The following UGGT2 variants were observed in gnomAD, a reference collection of about 807,000 sequenced individuals.
UGGT2 encodes UDP-glucose:glycoprotein glucosyltransferase 2.
Under a neutral mutation model 192.1 loss-of-function variants are expected in UGGT2, and 180 were observed. The observed-to-expected ratio is 0.94, with a 90% confidence interval of 0.83 to 1.06. The LOEUF is 1.06. UGGT2 is among the 50% of genes least tolerant of loss of function. The pLI, the probability that UGGT2 is intolerant of heterozygous loss-of-function variation, is 0.00. For synonymous variants in UGGT2, 580 were observed against 591.0 expected, an observed-to-expected ratio of 0.98 and a Z score of 0.27; for missense variants, 1,849 against 1,795.7, an observed-to-expected ratio of 1.03 and a Z score of -0.54.
intron 37 of UGGT2, among the ~76,000 whole-genome samples, chr13:95,833,412 CA>C (rs1886942323): frequency 6.6e-6 from 1 of 152,092 alleles, no homozygotes; most frequent in Non-Finnish European, 1.5e-5. Context: ...AGTAGAAAAA[CA>C]TGGAAATGGC....
chr13:95,946,811 C>A (rs1407979007), intron 15 of UGGT2, among the ~76,000 whole-genome samples: 2 of 152,090 alleles, frequency 1.3e-5, no homozygotes, highest in Admixed American at 6.6e-5. Context: ...ATTCAAATAT[C>A]TTGGTAGAAC....
At chr13:95,982,615 C>T (rs527986947) in intron 10 of UGGT2, among the ~76,000 whole-genome samples, 53 of 152,172 alleles carry the variant, frequency 3.5e-4, no homozygotes, top group Middle Eastern at 3.4e-3. Flanking sequence ...GTAGGCAGCC[C>T]GAATTCCCAT....
chr13:95,966,718 T>G (rs1414105039), intron 12 of UGGT2, among the ~76,000 whole-genome samples: 2 of 152,180 alleles, frequency 1.3e-5, no homozygotes, highest in Non-Finnish European at 2.9e-5. Flanking sequence ...AAAAACTATT[T>G]TCTTATGATC....
intron 29 of UGGT2, among the ~76,000 whole-genome samples, chr13:95,874,475 C>T (rs1046832593): frequency 6.6e-6 from 1 of 152,082 alleles, no homozygotes; most frequent in Non-Finnish European, 1.5e-5. Flanking sequence ...GGGCAGACAC[C>T]TGACAAAGGA....
intron 7 of UGGT2, among the ~76,000 whole-genome samples, chr13:95,994,366 C>T (rs1018974685): frequency 1.8e-4 from 27 of 151,770 alleles, no homozygotes; most frequent in African/African-American, 5.1e-4. Flanking sequence ...GTAAAAATAA[C>T]ACTGAGTTTA....
chr13:95,892,825 T>A (rs572448407), intron 24 of UGGT2, among the ~76,000 whole-genome samples: 1 of 152,292 alleles, frequency 6.6e-6, no homozygotes, highest in East Asian at 1.9e-4. Flanking sequence ...ACTGGAAAAC[T>A]TAGAGCCAAA....
At chr13:95,804,436 C>T (rs1313167719) in intron 38 of UGGT2, among the ~76,000 whole-genome samples, 1 of 152,134 alleles carries the variant, frequency 6.6e-6, no homozygotes, top group Non-Finnish European at 1.5e-5. Flanking sequence ...CCCAATGATG[C>T]TTTTTATAGA....
At chr13:95,836,958 G>A in intron 37 of UGGT2, 128 bp downstream of exon 37, 1 of 791,366 alleles carries the variant, frequency 1.3e-6, no homozygotes, top group East Asian at 2.7e-5. Flanking sequence ...AAGTAAATGT[G>A]TAATAGACTG....
chr13:96,006,551 G>T (rs1173740827), intron 5 of UGGT2, among the ~76,000 whole-genome samples: 1 of 148,726 alleles, frequency 6.7e-6, no homozygotes, highest in Non-Finnish European at 1.5e-5. Flanking sequence ...TTGAACCCAG[G>T]AGGCGGAGGC....
chr13:95,831,838 C>T (rs1377672842), intron 38 of UGGT2, among the ~76,000 whole-genome samples: 1 of 151,766 alleles, frequency 6.6e-6, no homozygotes, highest in Non-Finnish European at 1.5e-5. Flanking sequence ...TTCCTTTCTT[C>T]CTTCTTCCTG....
At chr13:95,873,480 G>C (rs1891399698) in intron 29 of UGGT2, among the ~76,000 whole-genome samples, 1 of 152,202 alleles carries the variant, frequency 6.6e-6, no homozygotes, top group Non-Finnish European at 1.5e-5. Context: ...TAAGAACTTA[G>C]AGGTACCCTT....
chr13:95,949,387 T>C lies in UGGT2; in HGVS notation c.1403A>G (p.Lys468Arg). 1 of 1,586,104 alleles carries C rather than the reference T, an allele frequency of 6.3e-7. No individual in the cohort carries two copies. Residue 468 changes from lysine to arginine, a missense_variant, in exon 13 of 39, where the codon AAG becomes AGG. Coordinates refer to ENST00000376747, the MANE Select transcript of UGGT2 (RefSeq NM_020121.4). Reference protein sequence around the residue: ...TWPTSCQKLLKPVFPGSVPSI... With the variant: ...TWPTSCQKLLRPVFPGSVPSI... ...AGGTACACTTCCAGGAAATACTGGC[T>C]TCAGAAGTTTCTGGCAACTTGTAGG...
Position 95,990,077 on chromosome 13 carries a change from C to A in UGGT2, c.831-4G>T. On this transcript the variant is annotated splice_region_variant and splice_polypyrimidine_tract_variant and intron_variant, in intron 7 of 38. Transcript: ENST00000376747. The stretch of plus-strand genomic sequence containing the variant: ...TCTAAGATCTGAATATATTTCTCTG[C>A]ATCAAAATATTAAGTGATGTTAAGT... The A allele has an allele frequency of 6.3e-7, 1 of 1,579,428 alleles. No individual in the cohort carries two copies. The highest frequency in any genetic ancestry group is 8.6e-7 in the Non-Finnish European group (1 of 1,159,590).
chr13:95,896,545 C>A (rs1248320661), intron 22 of UGGT2, among the ~76,000 whole-genome samples: 1 of 152,002 alleles, frequency 6.6e-6, no homozygotes, highest in African/African-American at 2.4e-5. Flanking sequence ...CTACCTCTAG[C>A]GACAGGGGCA....
chr13:95,844,928 T>C (rs1432298024), intron 36 of UGGT2, among the ~76,000 whole-genome samples: 1 of 152,196 alleles, frequency 6.6e-6, no homozygotes, highest in Non-Finnish European at 1.5e-5. Flanking sequence ...TGTAGGTTTT[T>C]CATAGATGCC....
chr13:95,881,491 G>A (rs1566630776), intron 27 of UGGT2, among the ~76,000 whole-genome samples: 1 of 152,110 alleles, frequency 6.6e-6, no homozygotes, highest in Non-Finnish European at 1.5e-5. Flanking sequence ...AGCCTAAGAT[G>A]AACAGTGTTC....
chr13:95,868,436 A>T (rs941467654), intron 29 of UGGT2, among the ~76,000 whole-genome samples: 18 of 151,868 alleles, frequency 1.2e-4, no homozygotes, highest in Non-Finnish European at 2.1e-4. Flanking sequence ...TCTGCAAAAA[A>T]TTTTTTTTTA....
chr13:95,844,253 C>T (rs1566577703), intron 36 of UGGT2, among the ~76,000 whole-genome samples: 1 of 152,226 alleles, frequency 6.6e-6, no homozygotes, highest in Non-Finnish European at 1.5e-5. Flanking sequence ...TGAGCCACCA[C>T]GCCTGGCCTG....
chr13:96,013,296 C>A lies in UGGT2; in HGVS notation c.660+11G>T. 1.3e-6 allele frequency: 2 copies of A among 1,540,876 alleles called. No individual in the cohort carries two copies. The highest frequency in any genetic ancestry group is 1.7e-6 in the Non-Finnish European group (2 of 1,156,406). Reference sequence around the variant, plus strand: ...CAGCCAAAAGCAACCTTGGAAAAAACAAGCGCATACCTGAATATAATGGCG... The same window carrying A: ...CAGCCAAAAGCAACCTTGGAAAAAAAAAGCGCATACCTGAATATAATGGCG... On this transcript the variant is annotated intron_variant, in intron 5 of 38. Transcript: ENST00000376747.
Sources: gnomAD v4.1 joint callset for allele counts (sites outside exome capture counted in the v4.1 genomes callset) on GRCh38, gnomAD v4.1.1 for gene constraint, MANE v1.5 for transcripts, NCBI Gene and HGNC (gene_info 2026-07-23, HGNC 2026-07-21) for gene names.